TMEFF2: variants seen among roughly 807,000 people sequenced by gnomAD.
TMEFF2 encodes tomoregulin-2.
In TMEFF2, 28 loss-of-function variants were observed where a neutral mutation model predicts 53.8. The observed-to-expected ratio is 0.52, with a 90% CI of 0.39 to 0.71. The LOEUF (loss-of-function observed/expected upper bound fraction) is 0.71. Ranked by LOEUF, TMEFF2 falls within the 30% of genes least tolerant of loss-of-function variation. TMEFF2 has a pLI of 0.00. For missense variants in TMEFF2, 353 were observed against 455.2 expected (o/e 0.78, Z 2.04); for synonymous variants, 162 against 166.3 (o/e 0.97, Z 0.20).
In TMEFF2 at chr2:192,000,503, A is replaced by C. The variant is rs74966668; in HGVS notation, c.537-1295T>G. 9.7e-4 allele frequency among the ~76,000 whole-genome samples: 147 copies of C among 152,226 alleles called. No homozygotes were observed. In the East Asian group the frequency reaches 0.027, roughly 28 times the overall value. On this transcript the variant is annotated intron_variant, in intron 5 of 9. Transcript: ENST00000272771. ...ACTGTGTTATTAGAATCTCCTGGAG[A>C]ACTTTTAAGTATACAGATTCATAAG... is the stretch of plus-strand genomic sequence containing the variant.
At chr2:192,055,569 G>A (rs938123005) in intron 5 of TMEFF2, among the ~76,000 whole-genome samples, 2 of 151,908 alleles carry the variant, frequency 1.3e-5, no homozygotes, top group Non-Finnish European at 2.9e-5. Flanking sequence ...GAGGTGAGGA[G>A]TTTGAGACCA....
rs535934967 is a variant in TMEFF2 at position 191,950,036 on chromosome 2, A to G, written c.*275T>C. On this transcript the variant is annotated 3_prime_UTR_variant, in exon 10 of 10. Transcript: ENST00000272771. Reference sequence around the variant, plus strand: ...TGCCAATTTTTTCTCATCACTGAGTATTTATTATATATAACAAATACATGG... The same window carrying G: ...TGCCAATTTTTTCTCATCACTGAGTGTTTATTATATATAACAAATACATGG... The G allele has an allele frequency of 5.6e-5, 64 of 1,148,124 alleles. No homozygotes were observed. In the African/African-American group the frequency reaches 9.3e-4, roughly 17 times the overall value. 71.1% of individuals were successfully genotyped at this position (1,148,124 alleles called of 1,614,324 possible).
intron 4 of TMEFF2, among the ~76,000 whole-genome samples, chr2:192,119,234 A>G (rs904711555): frequency 6.6e-5 from 10 of 152,212 alleles, no homozygotes; most frequent in African/African-American, 2.4e-4. Context: ...TGGAGTGAAT[A>G]TTGTGTAATA....
chr2:192,105,467 T>C, intron 4 of TMEFF2, among the ~76,000 whole-genome samples: 1 of 151,952 alleles, frequency 6.6e-6, no homozygotes, highest in Non-Finnish European at 1.5e-5. Context: ...CATTATTGCA[T>C]CTATCCCTCA....
intron 4 of TMEFF2, among the ~76,000 whole-genome samples, chr2:192,169,399 A>G (rs1048791824): frequency 2.6e-5 from 4 of 152,260 alleles, no homozygotes; most frequent in Non-Finnish European, 5.9e-5. Flanking sequence ...ACAAAAAGTT[A>G]TACTGGAGTG....
At chr2:192,090,208 G>T (rs746970167) in intron 4 of TMEFF2, among the ~76,000 whole-genome samples, 1 of 152,070 alleles carries the variant, frequency 6.6e-6, no homozygotes, top group South Asian at 2.1e-4. Flanking sequence ...TGGCCTAGTG[G>T]TGCCTAGCCT....
chr2:192,185,999 T>C (rs1340262486), intron 2 of TMEFF2, among the ~76,000 whole-genome samples: 2 of 152,184 alleles, frequency 1.3e-5, no homozygotes, highest in Admixed American at 6.6e-5. Flanking sequence ...CTTTAGCACA[T>C]ATTTTATAAA....
chr2:191,960,446 T>C (rs190872454), intron 7 of TMEFF2, among the ~76,000 whole-genome samples: 24 of 152,262 alleles, frequency 1.6e-4, no homozygotes, highest in African/African-American at 5.5e-4. Context: ...TAGTTCTGAA[T>C]TTCTGTTTAT....
At chr2:192,130,270 CCTT>C (rs1450033746) in intron 4 of TMEFF2, among the ~76,000 whole-genome samples, 4 of 151,874 alleles carry the variant, frequency 2.6e-5, no homozygotes, top group Non-Finnish European at 1.5e-5. Context: ...GTTCCTTTTT[CCTT>C]CTTCTCCCCT....
intron 7 of TMEFF2, among the ~76,000 whole-genome samples, chr2:191,973,441 A>G (rs1692709914): frequency 1.3e-5 from 2 of 152,118 alleles, no homozygotes; most frequent in Non-Finnish European, 2.9e-5. Flanking sequence ...ATACACGCAC[A>G]TGCATATATA....
At chr2:192,013,180 G>T (rs771160530) in intron 5 of TMEFF2, among the ~76,000 whole-genome samples, 1 of 152,094 alleles carries the variant, frequency 6.6e-6, no homozygotes, top group African/African-American at 2.4e-5. Context: ...GGTTCATGAG[G>T]CCCTGTGTGA....
At chr2:192,191,810 G>T in intron 2 of TMEFF2, 70 bp downstream of exon 2, 3 of 1,109,622 alleles carry the variant, frequency 2.7e-6, no homozygotes, top group East Asian at 2.5e-5. Flanking sequence ...CAAGTGATAG[G>T]CTGTAAAGGA....
intron 7 of TMEFF2, among the ~76,000 whole-genome samples, chr2:191,985,732 G>A (rs1335326470): frequency 6.6e-6 from 1 of 152,152 alleles, no homozygotes; most frequent in Non-Finnish European, 1.5e-5. Flanking sequence ...TTGTGGCAAA[G>A]TCTTGCTCGT....
intron 4 of TMEFF2, among the ~76,000 whole-genome samples, chr2:192,095,675 A>G (rs1688886422): frequency 1.3e-5 from 2 of 152,304 alleles, no homozygotes; most frequent in East Asian, 3.9e-4. Flanking sequence ...TTCCAAAATG[A>G]TCCTCACAAT....
At chr2:191,976,181 A>ATTAG (rs1685721535) in intron 7 of TMEFF2, among the ~76,000 whole-genome samples, 1 of 152,124 alleles carries the variant, frequency 6.6e-6, no homozygotes, top group South Asian at 2.1e-4. Context: ...GCCTCTGCCT[A>ATTAG]TTAGTTATGG....
chr2:192,113,211 G>T (rs923628773), intron 4 of TMEFF2, among the ~76,000 whole-genome samples: 1 of 152,132 alleles, frequency 6.6e-6, no homozygotes, highest in Non-Finnish European at 1.5e-5. Flanking sequence ...TATTGGCACT[G>T]TAGCAAATGT....
Position 191,967,942 on chromosome 2 carries a change from A to G in TMEFF2, c.746-11564T>C, listed in dbSNP as rs1441200603. ...CCTGGAAAACTCACTCTGTTTTAGA[A>G]TGTCTTTGTCTCTTTTGAGAACACT... On this transcript the variant is annotated intron_variant, in intron 7 of 9. Coordinates refer to ENST00000272771, the MANE Select transcript of TMEFF2 (RefSeq NM_016192.4). 2.6e-5 allele frequency among the ~76,000 whole-genome samples: 4 copies of G among 152,250 alleles called. No homozygotes were observed. The East Asian group carries it at 5.8e-4, about 22-fold the overall frequency.
At chr2:192,145,034 G>A (rs1690216455) in intron 4 of TMEFF2, among the ~76,000 whole-genome samples, 1 of 151,686 alleles carries the variant, frequency 6.6e-6, no homozygotes, top group Non-Finnish European at 1.5e-5. Context: ...TCCCATTTTG[G>A]GGAAAACTGA....
intron 7 of TMEFF2, among the ~76,000 whole-genome samples, chr2:191,995,286 A>G (rs932029847): frequency 2.0e-5 from 3 of 152,038 alleles, no homozygotes; most frequent in Non-Finnish European, 2.9e-5. Flanking sequence ...TCCTGTATTA[A>G]TAGCTCTTAA....
Sources: gnomAD v4.1 joint callset for allele counts (sites outside exome capture counted in the v4.1 genomes callset) on GRCh38, gnomAD v4.1.1 for gene constraint, MANE v1.5 for transcripts, NCBI Gene and HGNC (gene_info 2026-07-23, HGNC 2026-07-21) for gene names.